The following FHL1 variants were observed in gnomAD, a reference collection of about 807,000 sequenced individuals.
FHL1 encodes the protein four and a half LIM domains 1.
Under a neutral mutation model 20.3 loss-of-function variants are expected in FHL1, and 1 was observed. The ratio of observed to expected loss-of-function variants is 0.05; its 90% CI spans 0.02 to 0.23. FHL1 has a LOEUF of 0.23. FHL1 is among the 10% of genes least tolerant of loss of function. The probability of loss-of-function intolerance (pLI) is 1.00; values close to 1 mark genes in which losing one functional copy is unlikely to be tolerated. For missense variants in FHL1, 177 were observed against 234.0 expected (o/e 0.76, Z 1.59); for synonymous variants, 82 against 88.9 (o/e 0.92, Z 0.44).
chrX:136,150,002 T>TA (rs1482544166), intron 1 of FHL1, among the ~76,000 whole-genome samples: 1 of 111,850 alleles, frequency 8.9e-6, no homozygotes, highest in Admixed American at 9.5e-5. Context: ...CAGAAAGTGG[T>TA]AAAAAATCTT....
At chrX:136,172,044 T>G (rs2072884574) in intron 2 of FHL1, among the ~76,000 whole-genome samples, 1 of 110,644 alleles carries the variant, frequency 9.0e-6, no homozygotes, top group Admixed American at 9.6e-5. Context: ...CGTCTCTACA[T>G]CAACATGCCT....
chrX:136,183,601 A>T (rs754593645), intron 2 of FHL1, among the ~76,000 whole-genome samples: 1 of 112,523 alleles, frequency 8.9e-6, no homozygotes, highest in Non-Finnish European at 1.9e-5. Flanking sequence ...TTTAATTTGA[A>T]AAAAGTTTTC....
intron 1 of FHL1, among the ~76,000 whole-genome samples, chrX:136,158,705 T>C (rs2072488634): frequency 9.0e-6 from 1 of 111,642 alleles, no homozygotes; most frequent in African/African-American, 3.3e-5. Flanking sequence ...TGTGAAAGGA[T>C]GGTTTTTGGA....
At chrX:136,170,073 G>A (rs752552455) in intron 2 of FHL1, 7 of 239,975 alleles carry the variant, frequency 2.9e-5, no homozygotes, top group African/African-American at 2.3e-4. Context: ...GGCTTTATTT[G>A]TACCAGGAGG....
intron 1 of FHL1, among the ~76,000 whole-genome samples, chrX:136,205,779 C>T (rs1013451871): frequency 9.0e-6 from 1 of 111,394 alleles, no homozygotes; most frequent in Non-Finnish European, 1.9e-5. Context: ...ATAGGAGGAA[C>T]GGGAGGCCTC....
chrX:136,197,208 G>C, intron 1 of FHL1, 74 bp downstream of exon 1: 1 of 914,673 alleles, frequency 1.1e-6, no homozygotes, highest in Non-Finnish European at 1.6e-6. Context: ...TGGGCTAAAA[G>C]ATGGTTTTTG....
chrX:136,149,323 A>G (rs752453306), intron 1 of FHL1, among the ~76,000 whole-genome samples: 79 of 112,385 alleles, frequency 7.0e-4, no homozygotes, highest in Non-Finnish European at 1.2e-3. Context: ...ACTCATGTTC[A>G]TGTTTGCTTA....
At position 136,197,150 on chromosome X, in the gene FHL1, C is replaced by T. The variant is rs753175087; in HGVS notation, c.22+16C>T. On this transcript the variant is annotated intron_variant, in intron 1 of 5. Transcript: ENST00000370683. ...AGACACTCAGGTAAAACTTCATGCT[C>T]TTTATCTTATATTGAGCACAGTTTT... is the stretch of plus-strand genomic sequence containing the variant. 1 of 1,202,879 alleles carries T rather than the reference C, an allele frequency of 8.3e-7. No homozygotes were observed. The highest frequency in any genetic ancestry group is 1.7e-5 in the African/African-American group (1 of 57,635).
At chrX:136,164,275 C>T (rs1205213853) in intron 1 of FHL1, among the ~76,000 whole-genome samples, 4 of 107,277 alleles carry the variant, frequency 3.7e-5, no homozygotes, top group Admixed American at 1.0e-4. Context: ...GGTGCAATCT[C>T]GGCTCACTGC....
chrX:136,174,170 C>T (rs907234001), intron 2 of FHL1, among the ~76,000 whole-genome samples: 6 of 111,564 alleles, frequency 5.4e-5, no homozygotes, highest in Non-Finnish European at 1.1e-4. Context: ...AGGTTGCAAA[C>T]TTAAGGTCAT....
intron 2 of FHL1, among the ~76,000 whole-genome samples, chrX:136,186,135 A>T (rs565065668): frequency 1.8e-5 from 2 of 111,968 alleles, no homozygotes; most frequent in Admixed American, 1.9e-4. Context: ...CTAATCCATC[A>T]TGGTGTGGCA....
intron 2 of FHL1, among the ~76,000 whole-genome samples, chrX:136,176,037 C>T (rs1178855289): frequency 8.9e-6 from 1 of 112,195 alleles, no homozygotes; most frequent in Non-Finnish European, 1.9e-5. Context: ...TTCCTTCTCG[C>T]TTGTTGTGTT....
chrX:136,167,885 T>C (rs781354411), upstream of FHL1: 26 of 112,159 alleles, frequency 2.3e-4, no homozygotes, highest in African/African-American at 7.4e-4. Context: ...TGAAATATGA[T>C]AAGACTAGTG....
chrX:136,169,346 G>A (rs1200192195), upstream of FHL1: 3 of 143,180 alleles, frequency 2.1e-5, no homozygotes, highest in African/African-American at 6.5e-5. Context: ...GAGCCTGCCC[G>A]CTAGTCTGCA....
chrX:136,169,557 G>C (rs945034423), upstream of FHL1: 1 of 245,056 alleles, frequency 4.1e-6, no homozygotes, highest in Non-Finnish European at 7.6e-6. Context: ...TATTCTAAAC[G>C]ACTGAGTCAT....
At chrX:136,173,287 CAT>C (rs1473173792) in intron 2 of FHL1, among the ~76,000 whole-genome samples, 4 of 112,546 alleles carry the variant, frequency 3.6e-5, no homozygotes, top group Non-Finnish European at 7.5e-5. Flanking sequence ...GTATCACTGA[CAT>C]ATGGTCATTT....
chrX:136,196,647 G>A, upstream of FHL1: 3 of 442,119 alleles, frequency 6.8e-6, no homozygotes, highest in East Asian at 3.7e-5. Flanking sequence ...GGTAACATAA[G>A]TCTATCTCTT....
chrX:136,166,225 G>T (rs986417294), upstream of FHL1, among the ~76,000 whole-genome samples: 1 of 111,802 alleles, frequency 8.9e-6, no homozygotes, highest in Non-Finnish European at 1.9e-5. Flanking sequence ...GTGAAATGGA[G>T]ATACAAAGGC....
At position 136,149,352 on chromosome X, in the gene FHL1, C is replaced by G. The variant is rs2072202582; in HGVS notation, c.-101+1724C>G. Among the ~76,000 whole-genome samples, 3 of 112,512 alleles carry G rather than the reference C, an allele frequency of 2.7e-5. No individual in the cohort carries two copies. In the Admixed American group the frequency reaches 2.8e-4, roughly 11 times the overall value. On this transcript the variant is annotated intron_variant, in intron 1 of 7. Coordinates refer to the FHL1 transcript ENST00000394155. Reference sequence around the variant, plus strand: ...TTGCTTAAGAAGAATACGTATTAAGCAGGCATTTGCCTTTTATGTGGTGAG... The same window carrying G: ...TTGCTTAAGAAGAATACGTATTAAGGAGGCATTTGCCTTTTATGTGGTGAG...
Sources: allele counts gnomAD v4.1 joint callset (sites outside exome capture counted in the v4.1 genomes callset), GRCh38; gene constraint gnomAD v4.1.1; transcripts MANE v1.5; gene names NCBI Gene and HGNC (gene_info 2026-07-23, HGNC 2026-07-21).